The following PIP5K1B variants were observed in gnomAD, a reference collection of about 807,000 sequenced individuals.
PIP5K1B encodes the protein phosphatidylinositol-4-phosphate 5-kinase type 1 beta.
A neutral mutation model predicts 67.0 loss-of-function variants in PIP5K1B; 42 were observed. The ratio of observed to expected loss-of-function variants is 0.63; its 90% CI spans 0.49 to 0.81. The LOEUF (loss-of-function observed/expected upper bound fraction) is 0.81. PIP5K1B is among the 30% of genes least tolerant of loss of function. The pLI is 0.00. For synonymous variants in PIP5K1B, 214 were observed against 231.4 expected (o/e 0.92, Z 0.68); for missense variants, 459 against 646.3 (o/e 0.71, Z 3.14).
At chr9:68,830,790 C>T (rs1834272378) in intron 4 of PIP5K1B, among the ~76,000 whole-genome samples, 2 of 152,156 alleles carry the variant, frequency 1.3e-5, no homozygotes, top group Non-Finnish European at 2.9e-5. Flanking sequence ...TGAACTGTGG[C>T]CCATGTTCTC....
At chr9:68,983,853 C>G (rs1829993294) in intron 14 of PIP5K1B, among the ~76,000 whole-genome samples, 1 of 152,148 alleles carries the variant, frequency 6.6e-6, no homozygotes, top group South Asian at 2.1e-4. Context: ...GAGTTTGACA[C>G]CAGCCTTGGC....
intron 14 of PIP5K1B, among the ~76,000 whole-genome samples, chr9:68,984,836 C>T (rs368549600): frequency 2.6e-5 from 4 of 152,278 alleles, no homozygotes; most frequent in South Asian, 4.1e-4. Context: ...GGCACATTTG[C>T]GTACACTACT....
chr9:68,780,082 G>GTATCATCAAA, intron 2 of PIP5K1B: 2 of 1,334,336 alleles, frequency 1.5e-6, no homozygotes, highest in South Asian at 4.7e-5. Flanking sequence ...CGGTGGCGGC[G>GTATCATCAAA]GCAGCGGCGG....
At chr9:68,705,982 C>T (rs561351814) in intron 1 of PIP5K1B, 1 of 152,328 alleles carries the variant, frequency 6.6e-6, no homozygotes, top group Admixed American at 6.5e-5. Flanking sequence ...GGACACCCAC[C>T]CGCTCGTCAC....
At chr9:68,872,352 A>G (rs887193087) in intron 5 of PIP5K1B, among the ~76,000 whole-genome samples, 1 of 152,178 alleles carries the variant, frequency 6.6e-6, no homozygotes, top group Non-Finnish European at 1.5e-5. Flanking sequence ...CAGCGATCTC[A>G]TTAATTTGCA....
intron 8 of PIP5K1B, among the ~76,000 whole-genome samples, chr9:68,901,296 G>A (rs932904964): frequency 2.0e-4 from 31 of 152,302 alleles, no homozygotes; most frequent in African/African-American, 7.5e-4. Flanking sequence ...GTCTCACTCT[G>A]CTGCCCAGGC....
chr9:68,857,986 G>GTTGTTGTTGTTGTTGTTT (rs1822870788), intron 4 of PIP5K1B, among the ~76,000 whole-genome samples: 1 of 151,568 alleles, frequency 6.6e-6, no homozygotes, highest in Admixed American at 6.6e-5. Context: ...TGTTGTTGTT[G>GTTGTTGTTGTTGTTGTTT]TTGTTAAGAC....
At chr9:68,981,205 T>C (rs988379657) in intron 14 of PIP5K1B, among the ~76,000 whole-genome samples, 16 of 152,092 alleles carry the variant, frequency 1.1e-4, no homozygotes, top group Non-Finnish European at 2.2e-4. Context: ...TGAAATAATG[T>C]GGGGAGTTAA....
chr9:68,753,581 G>C (rs918097896), intron 2 of PIP5K1B, among the ~76,000 whole-genome samples: 2 of 121,682 alleles, frequency 1.6e-5, no homozygotes, highest in African/African-American at 6.3e-5. Context: ...CTGGAGTGCA[G>C]TGGCGTGATC....
At chr9:68,724,021 T>C (rs1231810921) in intron 1 of PIP5K1B, among the ~76,000 whole-genome samples, 1 of 152,126 alleles carries the variant, frequency 6.6e-6, no homozygotes, top group Admixed American at 6.5e-5. Flanking sequence ...ATTTAAGTCT[T>C]TAATGCATTT....
At chr9:68,799,773 G>A (rs776032406) in intron 2 of PIP5K1B, among the ~76,000 whole-genome samples, 2 of 152,132 alleles carry the variant, frequency 1.3e-5, no homozygotes, top group African/African-American at 2.4e-5. Context: ...ACCTGAAACT[G>A]TGAAACTCCT....
intron 4 of PIP5K1B, among the ~76,000 whole-genome samples, chr9:68,856,378 G>T (rs547388955): frequency 6.6e-6 from 1 of 152,184 alleles, no homozygotes; most frequent in South Asian, 2.1e-4. Flanking sequence ...TCACCTTTAT[G>T]TCCCCAGTTT....
At chr9:68,878,018 T>TGTGG (rs1183557134) in intron 6 of PIP5K1B, among the ~76,000 whole-genome samples, 3 of 133,446 alleles carry the variant, frequency 2.2e-5, no homozygotes, top group Non-Finnish European at 4.9e-5. Context: ...TTGTTCTGTG[T>TGTGG]GTGTGTGTGT....
At chr9:68,884,445 C>CT (rs113724581) in intron 6 of PIP5K1B, among the ~76,000 whole-genome samples, 3,234 of 151,766 alleles carry the variant, frequency 0.021, 91 homozygotes, top group African/African-American at 0.071. Context: ...AGGTGGATTG[C>CT]TTAGCCCAGA....
At chr9:68,732,255 G>A (rs1294361603) in intron 1 of PIP5K1B, among the ~76,000 whole-genome samples, 1 of 152,182 alleles carries the variant, frequency 6.6e-6, no homozygotes, top group Non-Finnish European at 1.5e-5. Context: ...ATTGCTTGCG[G>A]GAGGAAGGGT....
chr9:68,868,886 G>A (rs1823486377), intron 5 of PIP5K1B, among the ~76,000 whole-genome samples: 1 of 152,184 alleles, frequency 6.6e-6, no homozygotes, highest in South Asian at 2.1e-4. Flanking sequence ...CTGCCCTTGG[G>A]TTTGACCCAC....
At chr9:68,898,047 A>G (rs1825175876) in intron 8 of PIP5K1B, among the ~76,000 whole-genome samples, 1 of 152,148 alleles carries the variant, frequency 6.6e-6, no homozygotes, top group Non-Finnish European at 1.5e-5. Flanking sequence ...TCCTTGTGGC[A>G]GCCCCTGAGT....
At chr9:68,920,427 G>GTGCAA (rs1286373680) in intron 11 of PIP5K1B, among the ~76,000 whole-genome samples, 18 of 137,734 alleles carry the variant, frequency 1.3e-4, no homozygotes, top group African/African-American at 3.5e-4. Flanking sequence ...GAGTGCAGTG[G>GTGCAA]TGCAATCTCA....
chr9:68,937,201 G>A (rs996481863), intron 13 of PIP5K1B, among the ~76,000 whole-genome samples: 2 of 152,124 alleles, frequency 1.3e-5, no homozygotes, highest in African/African-American at 4.8e-5. Context: ...GCTCTTCTTT[G>A]TACCTCTGGT....
Sources: allele counts gnomAD v4.1 joint callset (sites outside exome capture counted in the v4.1 genomes callset), GRCh38; gene constraint gnomAD v4.1.1; transcripts MANE v1.5; gene names NCBI Gene and HGNC (gene_info 2026-07-23, HGNC 2026-07-21).